CNTNAP2: variants seen among roughly 807,000 people sequenced by gnomAD.
The protein encoded by CNTNAP2 is contactin associated protein 2.
CNTNAP2 carries 98 observed loss-of-function variants against 155.2 expected under a neutral mutation model. The observed-to-expected ratio is 0.63, with a 90% CI of 0.54 to 0.75. The LOEUF (loss-of-function observed/expected upper bound fraction) is 0.75, where lower values mean the gene tolerates loss of function less well. Ranked by LOEUF, CNTNAP2 falls within the 30% of genes least tolerant of loss-of-function variation. CNTNAP2 has a pLI of 0.00. For synonymous variants in CNTNAP2, 651 were observed against 631.2 expected, an observed-to-expected ratio of 1.03 and a Z score of -0.47; for missense variants, 1,727 against 1,688.1, an observed-to-expected ratio of 1.02 and a Z score of -0.40.
At chr7:146,784,472 T>C (rs907130198) in intron 2 of CNTNAP2, among the ~76,000 whole-genome samples, 1 of 152,196 alleles carries the variant, frequency 6.6e-6, no homozygotes, top group East Asian at 1.9e-4. Flanking sequence ...TTAGGACATA[T>C]GGGATGGGAT....
chr7:147,225,754 G>T (rs747274611), intron 8 of CNTNAP2, among the ~76,000 whole-genome samples: 22 of 57,064 alleles, frequency 3.9e-4, no homozygotes, highest in African/African-American at 2.7e-3. Flanking sequence ...AAGGAAGGAA[G>T]GAAGGAAGGA....
intron 3 of CNTNAP2, among the ~76,000 whole-genome samples, chr7:146,899,132 C>G (rs1795940817): frequency 6.6e-6 from 1 of 152,146 alleles, no homozygotes; most frequent in Non-Finnish European, 1.5e-5. Context: ...TTACCCTCTT[C>G]CAGAGAATGT....
At chr7:148,277,422 C>T (rs961058132) in intron 21 of CNTNAP2, among the ~76,000 whole-genome samples, 6 of 152,096 alleles carry the variant, frequency 3.9e-5, no homozygotes, top group African/African-American at 7.2e-5. Flanking sequence ...TCGCATCCTC[C>T]GTCTCCCCAT....
At chr7:146,822,676 C>T (rs1339224545) in intron 2 of CNTNAP2, among the ~76,000 whole-genome samples, 1 of 146,066 alleles carries the variant, frequency 6.8e-6, no homozygotes, top group Non-Finnish European at 1.5e-5. Context: ...TATACTTATT[C>T]TTAAGCATAT....
chr7:146,401,159 T>C (rs1795708280), intron 1 of CNTNAP2, among the ~76,000 whole-genome samples: 1 of 152,216 alleles, frequency 6.6e-6, no homozygotes. Context: ...CTTGAGTCTA[T>C]ATAACTTTCC....
At position 148,071,247 on chromosome 7, in the gene CNTNAP2, C is replaced by T. The variant is rs146846104; in HGVS notation, c.2384-46871C>T. On this transcript the variant is annotated intron_variant, in intron 15 of 23. Transcript: ENST00000361727. Reference sequence around the variant, plus strand: ...ATCCCAGCACTTTCAGAGGCCGAGACGGGCGGATTGCCTGAGGTCAGGAGT... The same window carrying T: ...ATCCCAGCACTTTCAGAGGCCGAGATGGGCGGATTGCCTGAGGTCAGGAGT... 1.6e-3 allele frequency among the ~76,000 whole-genome samples: 251 copies of T among 152,194 alleles called. 1 individual carries two copies. Among genetic ancestry groups the T allele is most frequent in the African/African-American group, 5.8e-3 (241 of 41,536 alleles).
At chr7:146,593,957 A>G (rs1411336811) in intron 1 of CNTNAP2, among the ~76,000 whole-genome samples, 2 of 152,146 alleles carry the variant, frequency 1.3e-5, no homozygotes, top group Non-Finnish European at 2.9e-5. Flanking sequence ...GATCACCATC[A>G]ATATCTAATT....
intron 1 of CNTNAP2, among the ~76,000 whole-genome samples, chr7:146,271,476 A>C (rs1800081768): frequency 6.6e-6 from 1 of 151,980 alleles, no homozygotes; most frequent in African/African-American, 2.4e-5. Flanking sequence ...GTCCCTAATA[A>C]AAAGTATAAA....
intron 13 of CNTNAP2, among the ~76,000 whole-genome samples, chr7:147,716,947 A>G (rs1458624868): frequency 1.3e-5 from 2 of 152,144 alleles, no homozygotes; most frequent in Non-Finnish European, 2.9e-5. Context: ...TGAACTTTAC[A>G]TTGATACCTT....
At chr7:147,138,286 C>G (rs987880531) in intron 8 of CNTNAP2, among the ~76,000 whole-genome samples, 2 of 151,848 alleles carry the variant, frequency 1.3e-5, no homozygotes, top group African/African-American at 4.8e-5. Context: ...GGAATAGATT[C>G]TATTGTTTGG....
In CNTNAP2 at chr7:146,395,779, T is replaced by TAGATGATAGAGAGATAGATAGATA. The variant is rs11462122; in HGVS notation, c.97+278806_97+278807insAGATGATAGAGAGATAGATAGATA. Among the ~76,000 whole-genome samples the TAGATGATAGAGAGATAGATAGATA allele has an allele frequency of 9.5e-3, 1,156 of 121,984 alleles. 13 individuals are homozygous for TAGATGATAGAGAGATAGATAGATA. Among genetic ancestry groups the TAGATGATAGAGAGATAGATAGATA allele is most frequent in the East Asian group, 0.016 (75 of 4,596 alleles). 80.0% of individuals were successfully genotyped at this position (121,984 alleles called of 152,430 possible). A position where few individuals can be genotyped will look rare whatever the true frequency, so the allele number is the denominator to read the frequency against. On this transcript the variant is annotated intron_variant, in intron 1 of 23. Coordinates refer to ENST00000361727, the MANE Select transcript of CNTNAP2 (RefSeq NM_014141.6). ...TGAAATGATGATCTAGATAGACAGATGATAGATAGATAGATAGATAGATAG... is the reference window on the plus strand; with the variant it reads ...TGAAATGATGATCTAGATAGACAGATAGATGATAGAGAGATAGATAGATAGATAGATAGATAGATAGATAGATAG...
At chr7:146,509,915 CT>C (rs775039210) in intron 1 of CNTNAP2, among the ~76,000 whole-genome samples, 6 of 152,194 alleles carry the variant, frequency 3.9e-5, no homozygotes, top group Non-Finnish European at 7.3e-5. Context: ...CCACCCATGT[CT>C]CCACCAGGGC....
intron 13 of CNTNAP2, among the ~76,000 whole-genome samples, chr7:147,798,167 A>G (rs1162077687): frequency 6.6e-6 from 1 of 152,204 alleles, no homozygotes; most frequent in Non-Finnish European, 1.5e-5. Flanking sequence ...TCATTTCACA[A>G]GGCTTTTTGC....
At chr7:146,195,582 C>T (rs893007352) in intron 1 of CNTNAP2, among the ~76,000 whole-genome samples, 7 of 152,178 alleles carry the variant, frequency 4.6e-5, no homozygotes, top group African/African-American at 1.4e-4. Context: ...TTGGAAAAGA[C>T]TCTGTTAATA....
intron 13 of CNTNAP2, among the ~76,000 whole-genome samples, chr7:147,700,864 C>T (rs1190599029): frequency 3.3e-5 from 5 of 152,124 alleles, no homozygotes; most frequent in Non-Finnish European, 7.4e-5. Flanking sequence ...TCATTTGGCC[C>T]GCTGGGTCTC....
chr7:147,284,115 T>C (rs774077813), intron 8 of CNTNAP2, among the ~76,000 whole-genome samples: 9 of 151,858 alleles, frequency 5.9e-5, no homozygotes, highest in Non-Finnish European at 1.2e-4. Flanking sequence ...CCAAAAGTTT[T>C]CAACTTCAAT....
intron 11 of CNTNAP2, among the ~76,000 whole-genome samples, chr7:147,551,707 C>G (rs745736056): frequency 2.0e-4 from 30 of 152,104 alleles, no homozygotes; most frequent in Non-Finnish European, 3.5e-4. Flanking sequence ...AGTAGACTCT[C>G]AAGGATGCTA....
intron 7 of CNTNAP2, among the ~76,000 whole-genome samples, chr7:147,129,881 C>T (rs1801318297): frequency 6.6e-6 from 1 of 151,896 alleles, no homozygotes; most frequent in African/African-American, 2.4e-5. Flanking sequence ...GAAATTAAAA[C>T]TTGAACTTTG....
At position 148,420,810 on chromosome 7, in the gene CNTNAP2, G is replaced by A. The variant is rs1800097492; in HGVS notation, c.*5194G>A. ...AATATTCTTTCTGTAAAGTCAAACA[G>A]GATTCCATCCCCTGTGAAATAACAC... On this transcript the variant is annotated 3_prime_UTR_variant, in exon 24 of 24. Coordinates refer to ENST00000361727, the MANE Select transcript of CNTNAP2 (RefSeq NM_014141.6). The A allele has an allele frequency of 6.6e-6, 1 of 152,536 alleles. No individual in the cohort carries two copies. The highest frequency in any genetic ancestry group is 2.4e-5 in the African/African-American group (1 of 41,390). 9.4% of individuals were successfully genotyped at this position (152,536 alleles called of 1,614,324 possible).
Sources: allele counts gnomAD v4.1 joint callset (sites outside exome capture counted in the v4.1 genomes callset), GRCh38; gene constraint gnomAD v4.1.1; transcripts MANE v1.5; gene names NCBI Gene and HGNC (gene_info 2026-07-23, HGNC 2026-07-21).